Variants in ARSD observed in about 807,000 individuals in gnomAD.
ARSD encodes testis tissue sperm-binding protein Li 39a.
In ARSD, 21 loss-of-function variants were observed where a neutral mutation model predicts 32.6. The ratio of observed to expected loss-of-function variants is 0.64; its 90% CI spans 0.46 to 0.93. The LOEUF is 0.93. ARSD is among the 40% of genes least tolerant of loss of function. The probability of loss-of-function intolerance (pLI) is 0.00; values close to 1 mark genes in which losing one functional copy is unlikely to be tolerated. For missense variants in ARSD, 454 were observed against 520.9 expected (o/e 0.87, Z 1.25); for synonymous variants, 224 against 237.4 (o/e 0.94, Z 0.52).
chrX:2,914,422 G>GT, intron 6 of ARSD: 1 of 464,638 alleles, frequency 2.2e-6, no homozygotes, highest in South Asian at 6.9e-5. Flanking sequence ...TAGAGATGGG[G>GT]GGGGGGGGCG....
chrX:2,917,771 C>T, intron 5 of ARSD, 33 bp downstream of exon 5: 1 of 1,176,502 alleles, frequency 8.5e-7, no homozygotes, highest in Non-Finnish European at 1.1e-6. Flanking sequence ...GCGTCCGGCC[C>T]CATCTCCTCT....
Position 2,915,553 on chromosome X carries a change from TA to T in ARSD, c.1000+2del. 2 of 1,211,019 alleles carry T rather than the reference TA, an allele frequency of 1.7e-6. No homozygotes were observed. The highest frequency in any genetic ancestry group is 2.2e-6 in the Non-Finnish European group (2 of 894,929). ...AGTGAGGCTCCATGGTACCTTGACT[TA>T]CCTATGAGCCAGTCCATCTCCTCCA... is the stretch of plus-strand genomic sequence containing the variant. On this transcript the variant is annotated splice_donor_variant, in intron 6 of 9. Coordinates refer to ENST00000381154, the MANE Select transcript of ARSD (RefSeq NM_001669.4). LOFTEE classifies it high-confidence loss of function.
intron 9 of ARSD, among the ~76,000 whole-genome samples, chrX:2,908,268 CATCATCTATCTTATATATCT>C (rs1425499459): frequency 9.2e-6 from 1 of 108,120 alleles, no homozygotes; most frequent in South Asian, 3.9e-4. Flanking sequence ...CTTATCTATC[CATCATCTATCTTATATATCT>C]ATCATCTATC....
At chrX:2,914,848 G>A (rs2088940177) in intron 6 of ARSD, 3 of 1,000,186 alleles carry the variant, frequency 3.0e-6, no homozygotes, top group South Asian at 2.0e-5. Flanking sequence ...AAATGATATG[G>A]GAGTGTGTTC....
intron 6 of ARSD, among the ~76,000 whole-genome samples, chrX:2,913,263 T>C (rs1443353854): frequency 8.9e-6 from 1 of 112,303 alleles, no homozygotes. Context: ...ACCAAGCTTT[T>C]ATCATGCAGA....
rs200785812 is a variant in ARSD at position 2,907,438 on chromosome X, C to T, written c.1615G>A (p.Ala539Thr). Residue 539 changes from alanine to threonine, a missense_variant, in exon 10 of 10, where the codon GCC (alanine) becomes ACC (threonine). Ala to Thr is a moderately conservative substitution (Grantham distance 58, BLOSUM62 0). Coordinates refer to ENST00000381154, the MANE Select transcript of ARSD (RefSeq NM_001669.4). The stretch of plus-strand genomic sequence containing the variant: ...GCGGCACCTACCCTTGCTATCACGG[C>T]GTGGTACAGGGGCTCGGAGTCGGGG... ...LTPDSEPLYH[A>T]VIARVGAAVS... 83 of 1,210,166 alleles carry T rather than the reference C, an allele frequency of 6.9e-5. No homozygotes were observed. The East Asian group carries it at 1.6e-3, about 23-fold the overall frequency.
In ARSD at chrX:2,921,978, G is replaced by A. The variant is rs867006956; in HGVS notation, c.241C>T (p.Gln81Ter). 8.3e-7 allele frequency: 1 copy of A among 1,210,451 alleles called. No individual in the cohort carries two copies. Among genetic ancestry groups the A allele is most frequent in the Non-Finnish European group, 1.1e-6 (1 of 894,852 alleles). Reference protein sequence around the residue: ...QLAEEGVRLTQHLAAAPLCTP... With the variant: ...QLAEEGVRLT ...CAGAGCGGGGCGGCCGCCAGGTGCT[G>A]AGTGAGCCTCACACCTTCCTCTGCA... The change falls in exon 3 of 10, where the codon CAG becomes TAG. Residue 81 changes from glutamine to a stop codon, truncating the protein, a stop_gained. Transcript: ENST00000381154. LOFTEE classifies it high-confidence loss of function.
At chrX:2,918,260 GC>G in intron 4 of ARSD, 33 bp from the exon 5 acceptor site, 2 of 1,108,067 alleles carry the variant, frequency 1.8e-6, no homozygotes, top group Non-Finnish European at 2.4e-6. Context: ...ACAGAGACCC[GC>G]TTTGAAGCAG....
At chrX:2,914,298 T>C in intron 6 of ARSD, 1 of 621,147 alleles carries the variant, frequency 1.6e-6, no homozygotes, top group Non-Finnish European at 1.9e-6. Context: ...GGTGCAATAA[T>C]TATAGCTCAT....
At position 2,917,973 on chromosome X, in the gene ARSD, C is replaced by T. The variant is rs780696524; in HGVS notation, c.694G>A (p.Gly232Ser). Reference protein sequence around the residue: ...FFSVSARAVTGMAGVGCLFFI... With the variant: ...FFSVSARAVTSMAGVGCLFFI... Reference sequence around the variant, plus strand: ...AACAGGCAGCCCACGCCGGCCATGCCGGTGACTGCTCTCGCGGAGACAGAG... The same window carrying T: ...AACAGGCAGCCCACGCCGGCCATGCTGGTGACTGCTCTCGCGGAGACAGAG... The change falls in exon 5 of 10, where the codon GGC becomes AGC. Residue 232 changes from glycine to serine, a missense_variant. Gly to Ser is a moderately conservative substitution (Grantham distance 56). Transcript: ENST00000381154. The T allele has an allele frequency of 5.0e-6, 6 of 1,211,616 alleles. No individual in the cohort carries two copies. Among genetic ancestry groups the T allele is most frequent in the Non-Finnish European group, 4.5e-6 (4 of 895,231 alleles).
At chrX:2,924,782 G>A (rs1262009837) in intron 2 of ARSD, among the ~76,000 whole-genome samples, 1 of 112,116 alleles carries the variant, frequency 8.9e-6, no homozygotes, top group East Asian at 2.8e-4. Flanking sequence ...GAGAGACAGA[G>A]GAGGAGACAC....
chrX:2,924,456 C>T (rs746445312), intron 2 of ARSD, among the ~76,000 whole-genome samples: 34 of 113,597 alleles, frequency 3.0e-4, no homozygotes, highest in East Asian at 1.4e-3. Context: ...CATTCTGGGG[C>T]GGTCCTTCTA....
rs1352588275 is a variant in ARSD, at chrX:2,907,103, C to A, written c.*168G>T. The A allele has an allele frequency of 4.2e-6, 2 of 471,192 alleles. No individual in the cohort carries two copies. Among genetic ancestry groups the A allele is most frequent in the Non-Finnish European group, 3.5e-6 (1 of 284,192 alleles). 38.8% of individuals were successfully genotyped at this position (471,192 alleles called of 1,213,427 possible). A position where few individuals can be genotyped will look rare whatever the true frequency, so the allele number is the denominator to read the frequency against. On this transcript the variant is annotated 3_prime_UTR_variant, in exon 10 of 10. Coordinates refer to ENST00000381154, the MANE Select transcript of ARSD (RefSeq NM_001669.4). The stretch of plus-strand genomic sequence containing the variant: ...TTGCATTCCAGCCTGAGGGACAGAG[C>A]GACACTCTGTCTCAAAAAAGAAAGA...
Position 2,908,733 on chromosome X carries a change from G to T in ARSD, c.1408C>A (p.His470Asn). The part of the protein sequence containing the change: ...CGQHLHAARW[H>N]QKDSGSVWKV... The stretch of plus-strand genomic sequence containing the variant: ...AGCAGGTACTCACTGTCCTTCTGGT[G>T]CCAGCGTGCTGCGTGAAGATGCTGC... Residue 470 changes from histidine (H) to asparagine (N), a missense_variant, in exon 9 of 10, where the codon CAC becomes AAC. By Grantham distance (68) the His-to-Asn change is moderately conservative (BLOSUM62 1). This residue lies in a region of ARSD where 179 missense variants were observed against 198.5 expected (regional missense o/e 0.90). Coordinates refer to ENST00000381154, the MANE Select transcript of ARSD (RefSeq NM_001669.4). 1 of 1,197,269 alleles carries T rather than the reference G, an allele frequency of 8.4e-7. No homozygotes were observed. The highest frequency in any genetic ancestry group is 1.1e-6 in the Non-Finnish European group (1 of 888,506).
intron 6 of ARSD, among the ~76,000 whole-genome samples, chrX:2,912,677 G>A (rs775347614): frequency 3.1e-4 from 34 of 111,368 alleles, no homozygotes; most frequent in Non-Finnish European, 6.2e-4. Flanking sequence ...ACATAGTGCC[G>A]TGTGTGTGTG....
At position 2,908,098 on chromosome X, in the gene ARSD, T is replaced by C. The variant is rs780179090; in HGVS notation, c.1421-466A>G. The C allele has an allele frequency of 9.9e-6, 3 of 303,565 alleles. No individual in the cohort carries two copies. In the South Asian group the frequency reaches 5.1e-4, roughly 51 times the overall value. The allele number at this position is 303,565 out of a possible 1,213,427, so 25.0% of individuals were successfully genotyped here. A position where few individuals can be genotyped will look rare whatever the true frequency, so the allele number is the denominator to read the frequency against. ...CATCCATTTATCTTACCCATCGATC[T>C]CATCTATCTACCATTATCTATTTAT... On this transcript the variant is annotated intron_variant, in intron 9 of 9. Coordinates refer to ENST00000381154, the MANE Select transcript of ARSD (RefSeq NM_001669.4).
chrX:2,912,683 G>A (rs1366666656), intron 6 of ARSD, among the ~76,000 whole-genome samples: 3 of 111,658 alleles, frequency 2.7e-5, no homozygotes, highest in African/African-American at 9.8e-5. Context: ...TGCCGTGTGT[G>A]TGTGTCACAT....
intron 1 of ARSD, among the ~76,000 whole-genome samples, chrX:2,929,019 T>C (rs2089122573): frequency 8.9e-6 from 1 of 111,910 alleles, no homozygotes; most frequent in East Asian, 2.8e-4. Flanking sequence ...GTCCCCTCAG[T>C]CGCCCCCCAT....
intron 2 of ARSD, 136 bp downstream of exon 2, chrX:2,925,480 G>A: frequency 1.5e-6 from 1 of 653,400 alleles, no homozygotes. Context: ...GTTTAAAAGG[G>A]CCTTTTTACC....
Sources: gnomAD v4.1 joint callset for allele counts (sites outside exome capture counted in the v4.1 genomes callset) on GRCh38, gnomAD v4.1.1 for gene constraint, gnomAD v4.1.1 regional missense constraint, MANE v1.5 for transcripts, NCBI Gene and HGNC (gene_info 2026-07-23, HGNC 2026-07-21) for gene names.